The following RTCA variants were observed in gnomAD, a reference collection of about 807,000 sequenced individuals.
RTCA encodes RNA terminal phosphate cyclase domain 1.
In RTCA, 37 loss-of-function variants were observed where a neutral mutation model predicts 46.1. The observed-to-expected ratio is 0.80, with a 90% CI of 0.62 to 1.06. The LOEUF is 1.06. Ranked by LOEUF, RTCA falls within the 50% of genes least tolerant of loss-of-function variation. RTCA has a pLI of 0.00. For synonymous variants in RTCA, 164 were observed against 158.3 expected, an observed-to-expected ratio of 1.04 and a Z score of -0.27; for missense variants, 435 against 455.5, an observed-to-expected ratio of 0.95 and a Z score of 0.41.
At chr1:100,273,589 G>C (rs1047913478) in intron 5 of RTCA, 137 bp downstream of exon 5, 4 of 498,414 alleles carry the variant, frequency 8.0e-6, no homozygotes, top group Middle Eastern at 5.1e-4. Flanking sequence ...TGTACTTTGT[G>C]GCTTAAAAAT....
intron 8 of RTCA, among the ~76,000 whole-genome samples, chr1:100,285,011 C>T (rs1002932937): frequency 2.6e-5 from 4 of 152,154 alleles, no homozygotes; most frequent in Non-Finnish European, 4.4e-5. Flanking sequence ...CTATATTTTC[C>T]TCCACTAGTA....
chr1:100,268,247 C>A lies in RTCA; in HGVS notation c.242C>A (p.Pro81Gln). ...GGCTCAACAGAAATAACCTTTACAC[C>A]AGAGAAGATCAAAGGTGGAATCCAC... ...EIGSTEITFT[P>Q]EKIKGGIHTA... Residue 81 changes from proline to glutamine, a missense_variant, in exon 3 of 11, where the codon CCA (proline) becomes CAA (glutamine). By Grantham distance (76) the Pro-to-Gln change is moderately conservative. Transcript: ENST00000370128. 2 of 1,614,054 alleles carry A rather than the reference C, an allele frequency of 1.2e-6. No homozygotes were observed. The highest frequency in any genetic ancestry group is 1.7e-6 in the Non-Finnish European group (2 of 1,180,000).
chr1:100,279,636 C>G (rs959984654), intron 8 of RTCA, among the ~76,000 whole-genome samples: 3 of 151,826 alleles, frequency 2.0e-5, no homozygotes, highest in Admixed American at 6.6e-5. Context: ...TTAAGTAGCC[C>G]CATATGGTGG....
At chr1:100,290,798 T>C (rs530254581) in intron 10 of RTCA, among the ~76,000 whole-genome samples, 73 of 151,976 alleles carry the variant, frequency 4.8e-4, no homozygotes, top group Non-Finnish European at 9.3e-4. Context: ...CAAAATACAA[T>C]GATACAGGTA....
intron 9 of RTCA, among the ~76,000 whole-genome samples, chr1:100,285,640 TCTC>T (rs939351944): frequency 6.6e-6 from 1 of 152,112 alleles, no homozygotes; most frequent in African/African-American, 2.4e-5. Flanking sequence ...GTTTTCATCT[TCTC>T]AACAACAATT....
intron 4 of RTCA, among the ~76,000 whole-genome samples, chr1:100,273,167 G>T (rs59491881): frequency 2.6e-5 from 4 of 151,878 alleles, no homozygotes; most frequent in African/African-American, 7.3e-5. Context: ...AATTTTTTTC[G>T]TTAGATAGAC....
intron 2 of RTCA, among the ~76,000 whole-genome samples, chr1:100,267,816 G>C (rs1477138617): frequency 6.6e-6 from 1 of 152,084 alleles, no homozygotes; most frequent in East Asian, 1.9e-4. Context: ...GCCCATACAG[G>C]CACCATAGAT....
chr1:100,286,999 AT>A (rs1667067912), intron 9 of RTCA, 99 bp from the exon 10 acceptor site: 28 of 779,556 alleles, frequency 3.6e-5, no homozygotes, highest in Non-Finnish European at 4.9e-5. Context: ...TGTTTTAGCA[AT>A]TTTTATTTCT....
Position 100,275,650 on chromosome 1 carries a change from C to T in RTCA, c.667C>T (p.Arg223Trp), listed in dbSNP as rs778735211. ...AGTTAGATGCATCAGAAAGGAGATC[C>T]GGGATTTGTATGTTAACATCCAGCC... is the stretch of plus-strand genomic sequence containing the variant. ...AAVRCIRKEI[R>W]DLYVNIQPVQ... Residue 223 changes from arginine (R) to tryptophan (W), a missense_variant, in exon 7 of 11, where the codon CGG (arginine) becomes TGG (tryptophan). Coordinates refer to ENST00000370128, the MANE Select transcript of RTCA (RefSeq NM_003729.4). 5.3e-5 allele frequency: 86 copies of T among 1,611,828 alleles called. No individual in the cohort carries two copies. Among genetic ancestry groups the T allele is most frequent in the Middle Eastern group, 1.6e-4 (1 of 6,078 alleles).
In RTCA at chr1:100,270,566, C is replaced by T. The variant is rs369773269; in HGVS notation, c.300C>T (p.Cys100=). The T allele has an allele frequency of 1.5e-5, 24 of 1,613,750 alleles. No homozygotes were observed. The African/African-American group carries it at 2.0e-4, about 13-fold the overall frequency. Residue 100 remains cysteine (C), a synonymous_variant, in exon 4 of 11, where the codon TGC becomes TGT. Transcript: ENST00000370128. The part of the protein sequence containing the change: ...TADTKTAGSV[C]LLMQVSMPCV... Reference sequence around the variant, plus strand: ...TCTGCCTTCTCCTTAGGAGTGTGTGCCTCTTGATGCAGGTCTCAATGCCGT... The same window carrying T: ...TCTGCCTTCTCCTTAGGAGTGTGTGTCTCTTGATGCAGGTCTCAATGCCGT...
At chr1:100,279,927 G>T (rs1229503683) in intron 8 of RTCA, among the ~76,000 whole-genome samples, 1 of 152,172 alleles carries the variant, frequency 6.6e-6, no homozygotes, top group Non-Finnish European at 1.5e-5. Context: ...ATTTCATCCT[G>T]AAATATAGAG....
intron 8 of RTCA, among the ~76,000 whole-genome samples, chr1:100,277,926 A>C (rs999129491): frequency 6.6e-6 from 1 of 151,832 alleles, no homozygotes; most frequent in African/African-American, 2.4e-5. Flanking sequence ...AGTCCAGGCC[A>C]TTTTCTCACA....
At chr1:100,275,826 G>A in intron 7 of RTCA, 103 bp downstream of exon 7, 1 of 1,025,540 alleles carries the variant, frequency 9.8e-7, no homozygotes, top group Non-Finnish European at 1.4e-6. Flanking sequence ...ATAGTTTTAA[G>A]AAGTATTTAT....
At chr1:100,278,768 T>A (rs1378004664) in intron 8 of RTCA, among the ~76,000 whole-genome samples, 2 of 152,198 alleles carry the variant, frequency 1.3e-5, no homozygotes, top group Non-Finnish European at 2.9e-5. Context: ...AAATCACCAT[T>A]TCCAGTTGAA....
Position 100,291,605 on chromosome 1 carries a change from A to G in RTCA, c.*101A>G. ...GTAACTTATTAAAGGCTATGACTTA[A>G]ATTTGAAGATGAAGTACAGTGTTCT... On this transcript the variant is annotated 3_prime_UTR_variant, in exon 11 of 11. Coordinates refer to ENST00000370128, the MANE Select transcript of RTCA (RefSeq NM_003729.4). 1.4e-6 allele frequency: 1 copy of G among 735,346 alleles called. No individual in the cohort carries two copies. The highest frequency in any genetic ancestry group is 2.2e-6 in the Non-Finnish European group (1 of 444,658). The allele number at this position is 735,346 out of a possible 1,614,324, so 45.6% of individuals were successfully genotyped here. A position where few individuals can be genotyped will look rare whatever the true frequency, so the allele number is the denominator to read the frequency against.
At chr1:100,270,493 T>G (rs2100791242) in intron 3 of RTCA, 64 bp from the exon 4 acceptor site, 3 of 1,588,994 alleles carry the variant, frequency 1.9e-6, no homozygotes, top group Middle Eastern at 1.7e-4. Flanking sequence ...ATAGCTTATT[T>G]AAGAGTTTGA....
At chr1:100,287,908 C>T (rs1001859226) in intron 10 of RTCA, among the ~76,000 whole-genome samples, 28 of 151,636 alleles carry the variant, frequency 1.8e-4, no homozygotes, top group African/African-American at 6.3e-4. Flanking sequence ...ATTCTCCTGC[C>T]TTAGCCTCCC....
intron 4 of RTCA, 32 bp downstream of exon 4, chr1:100,270,712 G>T (rs1666040722): frequency 5.0e-6 from 8 of 1,608,936 alleles, no homozygotes; most frequent in Non-Finnish European, 6.8e-6. Flanking sequence ...AAACTAAGAT[G>T]ATCTCATACA....
intron 4 of RTCA, among the ~76,000 whole-genome samples, chr1:100,271,388 C>G (rs1666083678): frequency 6.6e-6 from 1 of 152,062 alleles, no homozygotes; most frequent in Non-Finnish European, 1.5e-5. Flanking sequence ...GTGGGAGGAT[C>G]ACTTGAGCCT....
Sources: gnomAD v4.1 joint callset for allele counts (sites outside exome capture counted in the v4.1 genomes callset) on GRCh38, gnomAD v4.1.1 for gene constraint, MANE v1.5 for transcripts, NCBI Gene and HGNC (gene_info 2026-07-23, HGNC 2026-07-21) for gene names.